Variants in ANGPT1 observed in about 807,000 individuals in gnomAD.
ANGPT1 encodes the protein angiopoietin-1.
Under a neutral mutation model 62.2 loss-of-function variants are expected in ANGPT1, and 17 were observed. The observed-to-expected ratio is 0.27, with a 90% CI of 0.19 to 0.41. The LOEUF is 0.41. Among genes scored for constraint, ANGPT1 ranks in the 10% least tolerant of loss-of-function variants. ANGPT1 has a pLI of 1.00. For synonymous variants in ANGPT1, 199 were observed against 198.9 expected, an observed-to-expected ratio of 1.00 and a Z score of 0.00; for missense variants, 478 against 594.9, an observed-to-expected ratio of 0.80 and a Z score of 2.04.
intron 7 of ANGPT1, among the ~76,000 whole-genome samples, chr8:107,279,000 TC>T (rs1813931665): frequency 6.6e-6 from 1 of 152,208 alleles, no homozygotes; most frequent in South Asian, 2.1e-4. Context: ...CATGCCAGTT[TC>T]CCAGGTGGTA....
intron 1 of ANGPT1, among the ~76,000 whole-genome samples, chr8:107,383,709 A>G (rs72672574): frequency 0.092 from 14,050 of 152,228 alleles, 714 homozygotes; most frequent in Non-Finnish European, 0.12. Flanking sequence ...CTGTTAGACT[A>G]TCAGGGGAAA....
At chr8:107,296,621 A>C (rs1389261357) in intron 5 of ANGPT1, among the ~76,000 whole-genome samples, 1 of 152,110 alleles carries the variant, frequency 6.6e-6, no homozygotes, top group Non-Finnish European at 1.5e-5. Flanking sequence ...GTGGAGCTTT[A>C]CCAGTGAAAT....
intron 1 of ANGPT1, among the ~76,000 whole-genome samples, chr8:107,465,074 C>T (rs1812167405): frequency 6.6e-6 from 1 of 152,044 alleles, no homozygotes. Context: ...AGTCATTCCT[C>T]TTTGTGGGAG....
At chr8:107,373,564 A>G (rs1480151843) in intron 1 of ANGPT1, among the ~76,000 whole-genome samples, 1 of 152,220 alleles carries the variant, frequency 6.6e-6, no homozygotes, top group Non-Finnish European at 1.5e-5. Flanking sequence ...GATCATTCAC[A>G]GAGACATTTC....
intron 1 of ANGPT1, among the ~76,000 whole-genome samples, chr8:107,473,684 T>C (rs2195989): frequency 0.19 from 29,431 of 152,020 alleles, 3,145 homozygotes; most frequent in African/African-American, 0.26. Context: ...GGTAAATATG[T>C]ATGTAACACT....
chr8:107,297,504 G>T (rs1023411254), intron 5 of ANGPT1, among the ~76,000 whole-genome samples: 1 of 150,748 alleles, frequency 6.6e-6, no homozygotes, highest in African/African-American at 2.4e-5. Flanking sequence ...TTTATGCTAC[G>T]CATTATACAC....
Position 107,347,026 on chromosome 8 carries a change from G to T in ANGPT1, c.369C>A (p.His123Gln), listed in dbSNP as rs878882562. The change falls in exon 2 of 9, where the codon CAC becomes CAA. Residue 123 changes from histidine to glutamine, a missense_variant. This residue lies in a region of ANGPT1 where 343 missense variants were observed against 355.4 expected (regional missense o/e 0.97). Coordinates refer to ENST00000517746, the MANE Select transcript of ANGPT1 (RefSeq NM_001146.5). The stretch of plus-strand genomic sequence containing the variant: ...TTCCTATCTCCAGCATGGTAGCCGT[G>T]TGGTTCTGAACTGCATTCTGCTGTA... ...AQIQQNAVQN[H>Q]TATMLEIGTS... The T allele has an allele frequency of 5.0e-6, 8 of 1,613,810 alleles. No homozygotes were observed. The Admixed American group carries it at 1.2e-4, about 24-fold the overall frequency.
intron 4 of ANGPT1, among the ~76,000 whole-genome samples, chr8:107,320,348 T>C (rs1347891135): frequency 3.9e-5 from 6 of 152,190 alleles, no homozygotes; most frequent in Non-Finnish European, 4.4e-5. Context: ...ATATGAGCTC[T>C]GTGAGAATCA....
intron 1 of ANGPT1, among the ~76,000 whole-genome samples, chr8:107,460,302 G>C (rs1469552729): frequency 2.0e-5 from 3 of 152,134 alleles, no homozygotes; most frequent in Admixed American, 1.3e-4. Flanking sequence ...ATCAGCTACA[G>C]GTGGGATCAG....
At chr8:107,477,894 C>A (rs903917401) in intron 1 of ANGPT1, among the ~76,000 whole-genome samples, 1 of 151,846 alleles carries the variant, frequency 6.6e-6, no homozygotes, top group African/African-American at 2.4e-5. Context: ...TAAGTCTTTA[C>A]ATGAAAGTAA....
chr8:107,256,903 C>T (rs1813371262), intron 8 of ANGPT1, among the ~76,000 whole-genome samples: 2 of 152,096 alleles, frequency 1.3e-5, no homozygotes, highest in Non-Finnish European at 2.9e-5. Flanking sequence ...GTCACCCAGG[C>T]TGGAGTGCAG....
At chr8:107,362,600 A>G (rs761154667) in intron 1 of ANGPT1, among the ~76,000 whole-genome samples, 1 of 152,176 alleles carries the variant, frequency 6.6e-6, no homozygotes, top group Non-Finnish European at 1.5e-5. Context: ...ATGAAGCCCA[A>G]ACCTGATAGA....
chr8:107,453,558 G>A (rs771032740), intron 1 of ANGPT1, among the ~76,000 whole-genome samples: 5 of 152,008 alleles, frequency 3.3e-5, no homozygotes, highest in African/African-American at 9.7e-5. Context: ...GGAAAGCCCT[G>A]CCCCCATGAT....
chr8:107,489,502 G>C (rs1812901088), intron 1 of ANGPT1, among the ~76,000 whole-genome samples: 1 of 152,138 alleles, frequency 6.6e-6, no homozygotes. Flanking sequence ...GAAATTATTA[G>C]CTACTTTCTC....
In ANGPT1 at chr8:107,287,909, T is replaced by C. The variant is rs115228216; in HGVS notation, c.1039-3061A>G. The stretch of plus-strand genomic sequence containing the variant: ...ACCGAAGCACTTAACTGAGCACTGA[T>C]AGACAGAAAACACTTAAAAATCTAG... On this transcript the variant is annotated intron_variant, in intron 6 of 8. Transcript: ENST00000517746. Among the ~76,000 whole-genome samples, 625 of 152,282 alleles carry C rather than the reference T, an allele frequency of 4.1e-3. 4 individuals carry two copies. The highest frequency in any genetic ancestry group is 0.014 in the African/African-American group (590 of 41,568).
chr8:107,481,761 G>A (rs183271432), intron 1 of ANGPT1, among the ~76,000 whole-genome samples: 1 of 152,148 alleles, frequency 6.6e-6, no homozygotes, highest in East Asian at 1.9e-4. Context: ...AATGAGTCCC[G>A]AGCGAAGGGG....
chr8:107,253,514 G>C lies in ANGPT1; in HGVS notation c.1337-1499C>G, dbSNP rs373524883. Reference sequence around the variant, plus strand: ...TTTAACTTTTCTCCTCCTTTTCTGTGACCTTCTTGAAGCACTTTTCCATTG... The same window carrying C: ...TTTAACTTTTCTCCTCCTTTTCTGTCACCTTCTTGAAGCACTTTTCCATTG... On this transcript the variant is annotated intron_variant, in intron 8 of 8. Coordinates refer to ENST00000517746, the MANE Select transcript of ANGPT1 (RefSeq NM_001146.5). 1.4e-4 allele frequency among the ~76,000 whole-genome samples: 21 copies of C among 152,156 alleles called. No homozygotes were observed. The South Asian group carries it at 3.9e-3, about 29-fold the overall frequency.
intron 8 of ANGPT1, among the ~76,000 whole-genome samples, chr8:107,254,182 T>C (rs571030024): frequency 3.9e-4 from 60 of 152,254 alleles, no homozygotes; most frequent in African/African-American, 1.4e-3. Context: ...AAGTCTTTGT[T>C]GTCTGAAGTT....
chr8:107,437,179 C>A lies in ANGPT1; in HGVS notation c.297+60083G>T, dbSNP rs376859660. The stretch of plus-strand genomic sequence containing the variant: ...TAAATAAATACATATTTTTGGTTGT[C>A]ATTTTAACTGGCCTGTTAAGAAACT... On this transcript the variant is annotated intron_variant, in intron 1 of 8. Coordinates refer to ENST00000517746, the MANE Select transcript of ANGPT1 (RefSeq NM_001146.5). Among the ~76,000 whole-genome samples the A allele has an allele frequency of 3.3e-5, 5 of 152,182 alleles. No homozygotes were observed. In the East Asian group the frequency reaches 5.8e-4, roughly 18 times the overall value.
Sources: gnomAD v4.1 joint callset for allele counts (sites outside exome capture counted in the v4.1 genomes callset) on GRCh38, gnomAD v4.1.1 for gene constraint, gnomAD v4.1.1 regional missense constraint, MANE v1.5 for transcripts, NCBI Gene and HGNC (gene_info 2026-07-23, HGNC 2026-07-21) for gene names.